Variants in ZNF608 observed in about 807,000 individuals in gnomAD.
ZNF608 encodes the protein renal carcinoma antigen NY-REN-36.
Under a neutral mutation model 109.0 loss-of-function variants are expected in ZNF608, and 12 were observed. The ratio of observed to expected loss-of-function variants is 0.11; its 90% confidence interval spans 0.07 to 0.18. ZNF608 has a LOEUF of 0.18. Ranked by LOEUF, ZNF608 falls within the 10% of genes least tolerant of loss-of-function variation. The probability of loss-of-function intolerance (pLI) is 1.00; values close to 1 mark genes in which losing one functional copy is unlikely to be tolerated. For missense variants in ZNF608, 1,707 were observed against 1,879.3 expected (o/e 0.91, Z 1.70); for synonymous variants, 732 against 717.4 (o/e 1.02, Z -0.33).
rs1238610538 is a variant in ZNF608 at position 124,647,014 on chromosome 5, T to G, written c.3370A>C (p.Arg1124=). 3 of 1,614,108 alleles carry G rather than the reference T, an allele frequency of 1.9e-6. No individual in the cohort carries two copies. The East Asian group carries it at 6.7e-5, about 36-fold the overall frequency. Residue 1124 remains arginine, a synonymous_variant, in exon 5 of 10, where the codon AGA becomes CGA. Coordinates refer to ENST00000513986, the MANE Select transcript of ZNF608 (RefSeq NM_020747.3). ...TCACTTTTCCTTTCACAGTCTCCTC[T>G]CCCAGTCTGGGCCATTTTCTGCTCT... ...LAEQKMAQTG[R]GDCERKSELP...
At chr5:124,658,273 C>T (rs1249374243) in intron 3 of ZNF608, among the ~76,000 whole-genome samples, 1 of 152,140 alleles carries the variant, frequency 6.6e-6, no homozygotes, top group African/African-American at 2.4e-5. Flanking sequence ...GGTCCCTCAG[C>T]GCTCAGTCAA....
intron 2 of ZNF608, among the ~76,000 whole-genome samples, chr5:124,705,788 C>T (rs1203443593): frequency 1.3e-5 from 2 of 152,172 alleles, no homozygotes; most frequent in Non-Finnish European, 2.9e-5. Flanking sequence ...GATGGGATCA[C>T]CATGAAGGCC....
intron 2 of ZNF608, among the ~76,000 whole-genome samples, chr5:124,709,503 G>C (rs1374164917): frequency 6.6e-6 from 1 of 152,146 alleles, no homozygotes; most frequent in Non-Finnish European, 1.5e-5. Context: ...CAAAGGCCTT[G>C]AACTGTGTAG....
rs1358914287 is a variant in ZNF608, at chr5:124,648,054, T to C, written c.2330A>G (p.Gln777Arg). The C allele has an allele frequency of 3.7e-6, 6 of 1,613,988 alleles. No individual in the cohort carries two copies. Among genetic ancestry groups the C allele is most frequent in the Non-Finnish European group, 5.1e-6 (6 of 1,180,040 alleles). Residue 777 changes from glutamine to arginine, a missense_variant, in exon 5 of 10, where the codon CAG becomes CGG. Transcript: ENST00000513986. ...TAACGGAGGACTCTTTGGTGTAGCC[T>C]GAACAACAGTTGTTGTGAGGGAGGG... ...GLPSLTTTVV[Q>R]ATPKSPPLKP...
intron 3 of ZNF608, among the ~76,000 whole-genome samples, chr5:124,668,162 G>A (rs1257913164): frequency 6.7e-6 from 1 of 149,062 alleles, no homozygotes; most frequent in Admixed American, 6.7e-5. Context: ...AGACCAGCCT[G>A]AGCAACATAT....
In ZNF608 at chr5:124,647,679, G is replaced by A. The variant is rs368904641; in HGVS notation, c.2705C>T (p.Ser902Leu). Residue 902 changes from serine to leucine, a missense_variant, in exon 5 of 10, where the codon TCG becomes TTG. Transcript: ENST00000513986. ...CACCAAAGTGCTGCATTCCAGCCTC[G>A]AGGCGCTCCCTATGGAAGGGCTGGG... is the stretch of plus-strand genomic sequence containing the variant. ...NAPSPSIGSA[S>L]RLECSTLVNG... is the part of the protein sequence containing the mutation. 56 of 1,614,068 alleles carry A rather than the reference G, an allele frequency of 3.5e-5. No homozygotes were observed. The highest frequency in any genetic ancestry group is 1.6e-4 in the Middle Eastern group (1 of 6,084).
chr5:124,744,819 AGTG>A lies in ZNF608; in HGVS notation c.168_170del (p.Thr57del). On this transcript the variant is annotated inframe_deletion, in exon 2 of 10. Coordinates refer to ENST00000513986, the MANE Select transcript of ZNF608 (RefSeq NM_020747.3). This position sits in a 1 kb window ranked among gnomAD's most constrained non-coding sequence, Gnocchi z 4.5. ...CACAATCCTTGGAGTTGCTGCTACTAGTGGTGGTGGTGGAATTATTCATCTCAA... is the reference window on the plus strand; with the variant it reads ...CACAATCCTTGGAGTTGCTGCTACTAGTGGTGGTGGAATTATTCATCTCAA... 2 of 1,614,170 alleles carry A rather than the reference AGTG, an allele frequency of 1.2e-6. No homozygotes were observed. Among genetic ancestry groups the A allele is most frequent in the Non-Finnish European group, 8.5e-7 (1 of 1,180,008 alleles).
At chr5:124,653,861 C>A (rs779668264) in intron 3 of ZNF608, among the ~76,000 whole-genome samples, 31 of 152,188 alleles carry the variant, frequency 2.0e-4, no homozygotes, top group Admixed American at 1.3e-3. Flanking sequence ...TCCAAGGGCG[C>A]AATAGCTATA....
At chr5:124,638,632 A>C (rs6880051) in intron 9 of ZNF608, 91,961 of 181,260 alleles carry the variant, frequency 0.51, 23,854 homozygotes, top group East Asian at 0.64. Context: ...CAAATGTGGA[A>C]TTCAATTCCA....
chr5:124,699,649 A>C (rs537553395), intron 3 of ZNF608, among the ~76,000 whole-genome samples: 7 of 152,212 alleles, frequency 4.6e-5, no homozygotes, highest in Non-Finnish European at 8.8e-5. Context: ...CATATCGCAC[A>C]AGAGTATATT....
At chr5:124,716,067 C>CCA (rs1211139048) in intron 2 of ZNF608, among the ~76,000 whole-genome samples, 1 of 145,896 alleles carries the variant, frequency 6.9e-6, no homozygotes, top group African/African-American at 2.5e-5. Flanking sequence ...GGCCTGAACC[C>CCA]GGGAGGCGGA....
rs186652762 is a variant in ZNF608, at chr5:124,723,180, G to A, written c.906+20904C>T. Among the ~76,000 whole-genome samples, 30 of 151,928 alleles carry A rather than the reference G, an allele frequency of 2.0e-4. No homozygotes were observed. The South Asian group carries it at 3.1e-3, about 16-fold the overall frequency. ...CAAATAGGTGGGATTACAGGCACGC[G>A]ACACCACTCCCAGCTACAAGGTTTC... On this transcript the variant is annotated intron_variant, in intron 2 of 9. Coordinates refer to ENST00000513986, the MANE Select transcript of ZNF608 (RefSeq NM_020747.3).
chr5:124,729,551 A>C (rs1348161345), intron 2 of ZNF608, among the ~76,000 whole-genome samples: 2 of 152,218 alleles, frequency 1.3e-5, no homozygotes, highest in Non-Finnish European at 2.9e-5. Flanking sequence ...CTCCTCTTGT[A>C]GGTTGTATTG....
At position 124,648,830 on chromosome 5, in the gene ZNF608, C is replaced by T; in HGVS notation, c.1554G>A (p.Lys518=). 6.2e-7 allele frequency: 1 copy of T among 1,614,124 alleles called. No individual in the cohort carries two copies. The highest frequency in any genetic ancestry group is 8.5e-7 in the Non-Finnish European group (1 of 1,179,992). ...LDLNSSSEDN[K]PGKRVRTNSR... ...AATTTGTGCGGACACGCTTTCCAGGCTTATTGTCCTCAGAGCTGGAGTTCA... is the reference window on the plus strand; with the variant it reads ...AATTTGTGCGGACACGCTTTCCAGGTTTATTGTCCTCAGAGCTGGAGTTCA... Residue 518 remains lysine (K), a synonymous_variant, in exon 5 of 10, where the codon AAG becomes AAA. Transcript: ENST00000513986.
chr5:124,658,344 A>G (rs1425704725), intron 3 of ZNF608, among the ~76,000 whole-genome samples: 3 of 152,218 alleles, frequency 2.0e-5, no homozygotes, highest in Non-Finnish European at 2.9e-5. Context: ...AAAAAAATAC[A>G]GTCTTCTGAG....
At chr5:124,690,920 G>T (rs1030657530) in intron 3 of ZNF608, among the ~76,000 whole-genome samples, 4 of 70,990 alleles carry the variant, frequency 5.6e-5, no homozygotes, top group African/African-American at 2.7e-4. Flanking sequence ...CAAAGCAACA[G>T]AAAAACACAC....
intron 3 of ZNF608, among the ~76,000 whole-genome samples, chr5:124,694,063 C>A (rs1370303268): frequency 7.2e-6 from 1 of 139,098 alleles, no homozygotes; most frequent in Non-Finnish European, 1.5e-5. Context: ...GCAAGCTCTG[C>A]CTCCCGGTTT....
intron 3 of ZNF608, among the ~76,000 whole-genome samples, chr5:124,650,665 A>G (rs1185458250): frequency 6.6e-6 from 1 of 152,238 alleles, no homozygotes; most frequent in Non-Finnish European, 1.5e-5. Flanking sequence ...ACTTCTTTAA[A>G]GCATATTTTA....
chr5:124,695,187 G>C (rs925491243), intron 3 of ZNF608, among the ~76,000 whole-genome samples: 1 of 152,108 alleles, frequency 6.6e-6, no homozygotes, highest in African/African-American at 2.4e-5. Context: ...TAGGGGTAAC[G>C]AAATACAGAC....
Sources: gnomAD v4.1 joint callset for allele counts (sites outside exome capture counted in the v4.1 genomes callset) on GRCh38, gnomAD v4.1.1 for gene constraint, Gnocchi (gnomAD v3.1) non-coding constraint, MANE v1.5 for transcripts, NCBI Gene and HGNC (gene_info 2026-07-23, HGNC 2026-07-21) for gene names.